The following ZFYVE9 variants were observed in gnomAD, a reference collection of about 807,000 sequenced individuals.
ZFYVE9 encodes the protein zinc finger FYVE-type containing 9.
A neutral mutation model predicts 126.7 loss-of-function variants in ZFYVE9; 43 were observed. The ratio of observed to expected loss-of-function variants is 0.34; its 90% CI spans 0.27 to 0.44. The LOEUF (loss-of-function observed/expected upper bound fraction) is 0.44, where lower values mean the gene tolerates loss of function less well. Among genes scored for constraint, ZFYVE9 ranks in the 20% least tolerant of loss-of-function variants. The pLI is 1.00. For synonymous variants in ZFYVE9, 521 were observed against 597.4 expected (o/e 0.87, Z 1.87); for missense variants, 1,476 against 1,697.0 (o/e 0.87, Z 2.29).
At chr1:52,156,167 T>G (rs1644401413) in intron 1 of ZFYVE9, among the ~76,000 whole-genome samples, 1 of 152,218 alleles carries the variant, frequency 6.6e-6, no homozygotes, top group Admixed American at 6.5e-5. Context: ...GAAAGTGAAC[T>G]GCTTCTGATC....
intron 1 of ZFYVE9, among the ~76,000 whole-genome samples, chr1:52,181,937 G>A (rs1232074936): frequency 6.6e-6 from 1 of 151,550 alleles, no homozygotes; most frequent in Non-Finnish European, 1.5e-5. Context: ...CAGCCACCCC[G>A]TCGGGGAGGG....
At chr1:52,310,363 ACTCT>A (rs1390007002) in intron 13 of ZFYVE9, among the ~76,000 whole-genome samples, 1 of 152,106 alleles carries the variant, frequency 6.6e-6, no homozygotes, top group Non-Finnish European at 1.5e-5. Context: ...CTTTACACTA[ACTCT>A]ATGACATGAG....
chr1:52,156,808 G>T (rs1644406726), intron 1 of ZFYVE9, among the ~76,000 whole-genome samples: 1 of 151,318 alleles, frequency 6.6e-6, no homozygotes, highest in South Asian at 2.1e-4. Context: ...AAATGTCTGG[G>T]TATTTTCCTT....
chr1:52,337,853 C>T lies in ZFYVE9; in HGVS notation c.3752C>T (p.Thr1251Ile). ...ALREMKDFTITCGKADAEEPQ... is the reference protein window; with the variant it reads ...ALREMKDFTIICGKADAEEPQ... ...CGAGAGATGAAGGACTTCACCATCA[C>T]CTGTGGGAAGGCGGACGCGGAGGAA... The change falls in exon 16 of 19, where the codon ACC (threonine) becomes ATC (isoleucine). Residue 1251 changes from threonine (T) to isoleucine (I), a missense_variant. Coordinates refer to ENST00000287727, the MANE Select transcript of ZFYVE9 (RefSeq NM_004799.4). The T allele has an allele frequency of 1.2e-6, 2 of 1,614,252 alleles. No individual in the cohort carries two copies. The highest frequency in any genetic ancestry group is 1.7e-6 in the Non-Finnish European group (2 of 1,180,034).
At chr1:52,264,270 TA>T (rs1188568931) in intron 5 of ZFYVE9, among the ~76,000 whole-genome samples, 1 of 152,218 alleles carries the variant, frequency 6.6e-6, no homozygotes, top group Non-Finnish European at 1.5e-5. Flanking sequence ...AGGAACAACT[TA>T]ATAACTTAGC....
intron 2 of ZFYVE9, among the ~76,000 whole-genome samples, chr1:52,223,064 C>T (rs1002797550): frequency 1.3e-5 from 2 of 151,936 alleles, no homozygotes; most frequent in African/African-American, 2.4e-5. Context: ...GCTCCTGAAT[C>T]GACTAAGAAA....
intron 1 of ZFYVE9, among the ~76,000 whole-genome samples, chr1:52,175,897 C>G (rs1299394177): frequency 1.3e-5 from 2 of 152,188 alleles, no homozygotes; most frequent in African/African-American, 4.8e-5. Flanking sequence ...ATACATTTGT[C>G]TAAGTTTTTT....
intron 12 of ZFYVE9, among the ~76,000 whole-genome samples, chr1:52,297,216 C>G (rs914639917): frequency 1.3e-5 from 2 of 151,060 alleles, no homozygotes; most frequent in African/African-American, 2.4e-5. Context: ...ATTCAAAGTT[C>G]AGTAGTTTTC....
At position 52,192,773 on chromosome 1, in the gene ZFYVE9, C is replaced by T. The variant is rs997740969; in HGVS notation, c.-142-23596C>T. On this transcript the variant is annotated intron_variant, in intron 1 of 18. Transcript: ENST00000287727. ...ACAAAGAATTTGAACAGGAGGTCAT[C>T]GAATGGGAAATTCAAAAGGCTAAAA... Among the ~76,000 whole-genome samples the T allele has an allele frequency of 4.6e-5, 7 of 152,114 alleles. No individual in the cohort carries two copies. In the East Asian group the frequency reaches 9.6e-4, roughly 21 times the overall value.
At chr1:52,173,989 T>G (rs941377206) in intron 1 of ZFYVE9, among the ~76,000 whole-genome samples, 27 of 152,186 alleles carry the variant, frequency 1.8e-4, no homozygotes, top group East Asian at 1.3e-3. Context: ...GAGTTTTTTT[T>G]TGTCTCTATT....
At chr1:52,220,309 G>A (rs187773443) in intron 2 of ZFYVE9, among the ~76,000 whole-genome samples, 67 of 152,292 alleles carry the variant, frequency 4.4e-4, no homozygotes, top group African/African-American at 1.5e-3. Context: ...GAGTCTCATT[G>A]TCTGAATCAG....
chr1:52,157,961 A>G (rs1644419063), intron 1 of ZFYVE9, among the ~76,000 whole-genome samples: 2 of 152,042 alleles, frequency 1.3e-5, no homozygotes, highest in South Asian at 2.1e-4. Flanking sequence ...CATGGTATAC[A>G]CAGCTCTATC....
intron 4 of ZFYVE9, among the ~76,000 whole-genome samples, chr1:52,246,592 C>T (rs1434570714): frequency 3.3e-5 from 5 of 149,550 alleles, no homozygotes; most frequent in Admixed American, 6.7e-5. Flanking sequence ...AGTGCAGTGG[C>T]ATGATGGTGG....
At position 52,263,753 on chromosome 1, in the gene ZFYVE9, T is replaced by TGGGGGGGGGGGG; in HGVS notation, c.2179-20_2179-19insGGGGGGGGGGGG. 10 of 713,082 alleles carry TGGGGGGGGGGGG rather than the reference T, an allele frequency of 1.4e-5. No individual in the cohort carries two copies. In the African/African-American group the frequency reaches 1.4e-4, roughly 10 times the overall value. 44.2% of individuals were successfully genotyped at this position (713,082 alleles called of 1,614,324 possible). ...ATCCCAAGTAAATTTTGTGTGTTCT[T>TGGGGGGGGGGGG]CCCCCCCCCCCCCCCACAGGTTTTC... On this transcript the variant is annotated intron_variant, in intron 4 of 18. Transcript: ENST00000287727.
intron 9 of ZFYVE9, among the ~76,000 whole-genome samples, chr1:52,280,326 G>C (rs183188160): frequency 1.3e-3 from 195 of 150,834 alleles, no homozygotes; most frequent in Admixed American, 2.7e-3. Flanking sequence ...GTTGCAGTGA[G>C]CCGAGATCAT....
At chr1:52,311,684 T>G (rs1646138335) in intron 13 of ZFYVE9, among the ~76,000 whole-genome samples, 1 of 152,250 alleles carries the variant, frequency 6.6e-6, no homozygotes, top group Non-Finnish European at 1.5e-5. Flanking sequence ...TAACTAGTGT[T>G]GTGTATTAGC....
At chr1:52,214,815 G>A (rs1645057782) in intron 1 of ZFYVE9, among the ~76,000 whole-genome samples, 1 of 152,116 alleles carries the variant, frequency 6.6e-6, no homozygotes, top group African/African-American at 2.4e-5. Context: ...AATGATGTAA[G>A]TCCCATTCTG....
chr1:52,146,768 A>C (rs1408916149), intron 1 of ZFYVE9, among the ~76,000 whole-genome samples: 1 of 152,204 alleles, frequency 6.6e-6, no homozygotes, highest in Non-Finnish European at 1.5e-5. Context: ...GAAGTATTAG[A>C]GATTGCTAAA....
intron 1 of ZFYVE9, among the ~76,000 whole-genome samples, chr1:52,203,720 A>G (rs1644947472): frequency 6.7e-6 from 1 of 150,334 alleles, no homozygotes; most frequent in Non-Finnish European, 1.5e-5. Flanking sequence ...GTTGTTCCAC[A>G]GTTCTTGAGT....
Sources: allele counts gnomAD v4.1 joint callset (sites outside exome capture counted in the v4.1 genomes callset), GRCh38; gene constraint gnomAD v4.1.1; transcripts MANE v1.5; gene names NCBI Gene and HGNC (gene_info 2026-07-23, HGNC 2026-07-21).